KCNH5: variants seen among roughly 807,000 people sequenced by gnomAD.
The protein encoded by KCNH5 is potassium voltage-gated channel subfamily H member 5.
KCNH5 carries 46 observed loss-of-function variants against 96.1 expected under a neutral mutation model. The ratio of observed to expected loss-of-function variants is 0.48; its 90% confidence interval spans 0.38 to 0.61. The LOEUF (loss-of-function observed/expected upper bound fraction) is 0.61, where lower values mean the gene tolerates loss of function less well. KCNH5 is among the 20% of genes least tolerant of loss of function. KCNH5 has a pLI of 0.00. For synonymous variants in KCNH5, 439 were observed against 449.8 expected (o/e 0.98, Z 0.30); for missense variants, 907 against 1,225.8 (o/e 0.74, Z 3.88).
chr14:62,858,342 T>C (rs776833705), intron 7 of KCNH5, among the ~76,000 whole-genome samples: 3 of 152,336 alleles, frequency 2.0e-5, no homozygotes, highest in Non-Finnish European at 2.9e-5. Flanking sequence ...CCTGCCTGGA[T>C]TGGGTTGTTG....
At chr14:62,991,511 T>A (rs1169943794) in intron 4 of KCNH5, among the ~76,000 whole-genome samples, 1 of 151,990 alleles carries the variant, frequency 6.6e-6, no homozygotes, top group Admixed American at 6.6e-5. Context: ...CCTAGATAAA[T>A]CAAAGCCAAA....
intron 7 of KCNH5, among the ~76,000 whole-genome samples, chr14:62,943,350 C>A (rs1330354743): frequency 6.6e-6 from 1 of 152,182 alleles, no homozygotes; most frequent in Non-Finnish European, 1.5e-5. Context: ...TCATTGCATT[C>A]CTTTGTTTTA....
At chr14:62,904,809 T>C (rs781005805) in intron 7 of KCNH5, among the ~76,000 whole-genome samples, 14 of 152,184 alleles carry the variant, frequency 9.2e-5, no homozygotes, top group Non-Finnish European at 1.5e-4. Context: ...ACAAGCCAAA[T>C]GCATATCCTG....
At chr14:62,872,921 C>G (rs1888286286) in intron 7 of KCNH5, among the ~76,000 whole-genome samples, 2 of 152,086 alleles carry the variant, frequency 1.3e-5, no homozygotes, top group Admixed American at 1.3e-4. Flanking sequence ...GAGGCCAAGG[C>G]TGGTGGATCA....
intron 7 of KCNH5, among the ~76,000 whole-genome samples, chr14:62,947,509 G>A (rs1332288367): frequency 6.6e-6 from 1 of 152,016 alleles, no homozygotes; most frequent in Non-Finnish European, 1.5e-5. Context: ...CCTGTACAAG[G>A]GTTCATTAGA....
At position 62,986,946 on chromosome 14, in the gene KCNH5, G is replaced by T. The variant is rs1013689729; in HGVS notation, c.549+126C>A. ...TTTGGGATTTCTATATTTCTACAAG[G>T]GAAACATAAATTATCAGCTAAGTAT... is the stretch of plus-strand genomic sequence containing the variant. On this transcript the variant is annotated intron_variant, in intron 5 of 10. Coordinates refer to ENST00000322893, the MANE Select transcript of KCNH5 (RefSeq NM_139318.5). 7 of 662,046 alleles carry T rather than the reference G, an allele frequency of 1.1e-5. No individual in the cohort carries two copies. In the African/African-American group the frequency reaches 1.3e-4, roughly 12 times the overall value. The allele number at this position is 662,046 out of a possible 1,614,324, so 41.0% of individuals were successfully genotyped here.
chr14:62,982,785 T>C (rs1455484451), intron 5 of KCNH5, among the ~76,000 whole-genome samples: 1 of 152,202 alleles, frequency 6.6e-6, no homozygotes, highest in Non-Finnish European at 1.5e-5. Context: ...AATTGTATGT[T>C]AGAATTGTTA....
rs970351974 is a variant in KCNH5, at chr14:62,951,819, C to T, written c.943-1260G>A. Among the ~76,000 whole-genome samples, 3 of 151,912 alleles carry T rather than the reference C, an allele frequency of 2.0e-5. No homozygotes were observed. In the East Asian group the frequency reaches 5.8e-4, roughly 30 times the overall value. ...CTACTAAAAAAACTCAAAAATTAGC[C>T]GGGCATGGTGGTGGGTGCCTATAAT... On this transcript the variant is annotated intron_variant, in intron 6 of 10. Coordinates refer to ENST00000322893, the MANE Select transcript of KCNH5 (RefSeq NM_139318.5).
At chr14:62,984,261 G>C (rs530694865) in intron 5 of KCNH5, among the ~76,000 whole-genome samples, 1 of 152,096 alleles carries the variant, frequency 6.6e-6, no homozygotes, top group Non-Finnish European at 1.5e-5. Flanking sequence ...CAGGCCCACT[G>C]ACTGATGTGG....
chr14:62,903,780 T>C (rs1888975204), intron 7 of KCNH5, among the ~76,000 whole-genome samples: 1 of 152,152 alleles, frequency 6.6e-6, no homozygotes, highest in Non-Finnish European at 1.5e-5. Flanking sequence ...TAGATATAGA[T>C]GAAAGAATAA....
chr14:62,732,019 G>C (rs1301783019), intron 10 of KCNH5, among the ~76,000 whole-genome samples: 1 of 152,084 alleles, frequency 6.6e-6, no homozygotes, highest in Non-Finnish European at 1.5e-5. Context: ...AAATTTTCTT[G>C]TTCTTGGCCA....
intron 7 of KCNH5, among the ~76,000 whole-genome samples, chr14:62,930,104 G>T (rs1458971564): frequency 6.6e-6 from 1 of 152,130 alleles, no homozygotes; most frequent in Non-Finnish European, 1.5e-5. Flanking sequence ...ACAGGCACAT[G>T]TGTCTTTTTG....
At chr14:62,762,218 G>A (rs1041304141) in intron 10 of KCNH5, among the ~76,000 whole-genome samples, 1 of 152,078 alleles carries the variant, frequency 6.6e-6, no homozygotes, top group African/African-American at 2.4e-5. Context: ...TGGTGGCTTT[G>A]GTCTTTGCTG....
At chr14:62,997,020 T>C (rs1209443148) in intron 4 of KCNH5, among the ~76,000 whole-genome samples, 1 of 152,226 alleles carries the variant, frequency 6.6e-6, no homozygotes, top group East Asian at 1.9e-4. Context: ...TAGACCATTG[T>C]TAGCTGTAGA....
intron 10 of KCNH5, among the ~76,000 whole-genome samples, chr14:62,725,616 G>A (rs571732503): frequency 2.6e-5 from 4 of 152,292 alleles, no homozygotes; most frequent in African/African-American, 9.6e-5. Flanking sequence ...ACAATTTTGA[G>A]AGTCAGCTGA....
chr14:62,906,695 T>C (rs1388043639), intron 7 of KCNH5, among the ~76,000 whole-genome samples: 1 of 152,228 alleles, frequency 6.6e-6, no homozygotes, highest in Non-Finnish European at 1.5e-5. Context: ...AAGGGTTATA[T>C]TGTTTACTCA....
Position 62,707,586 on chromosome 14 carries a change from G to T in KCNH5, c.2889C>A (p.Pro963=), listed in dbSNP as rs148200469. The change falls in exon 11 of 11, where the codon CCC becomes CCA. Residue 963 remains proline, a synonymous_variant. Transcript: ENST00000322893. ...PKSQMPLQVP[P]QIPCQDIFSV... Reference sequence around the variant, plus strand: ...TAAAAATATCCTGACATGGTATCTGGGGGGGTACTTGGAGTGGCATTTGGG... The same window carrying T: ...TAAAAATATCCTGACATGGTATCTGTGGGGGTACTTGGAGTGGCATTTGGG... The T allele has an allele frequency of 9.4e-5, 144 of 1,531,474 alleles. No homozygotes were observed. Among genetic ancestry groups the T allele is most frequent in the Non-Finnish European group, 1.2e-4 (133 of 1,137,692 alleles). The allele number at this position is 1,531,474 out of a possible 1,614,324, so 94.9% of individuals were successfully genotyped here. A position where few individuals can be genotyped will look rare whatever the true frequency, so the allele number is the denominator to read the frequency against.
In KCNH5 at chr14:62,708,296, CCT is replaced by C; in HGVS notation, c.2177_2178del (p.Gln726ArgfsTer2). ...TGGAGTTGGTTCCTCTCAGGGTCAC[CCT>C]GTGTTGAGCCCTGATTCCGCAGCTC... ...QKELRNQGST[Q>X]GDPERNQLQV... On this transcript the variant is annotated frameshift_variant, in exon 11 of 11. Transcript: ENST00000322893. LOFTEE classifies it high-confidence loss of function. 1 of 1,614,170 alleles carries C rather than the reference CCT, an allele frequency of 6.2e-7. No homozygotes were observed. Among genetic ancestry groups the C allele is most frequent in the South Asian group, 1.1e-5 (1 of 91,082 alleles).
chr14:62,962,294 G>T (rs1441711899), intron 6 of KCNH5, among the ~76,000 whole-genome samples: 3 of 152,116 alleles, frequency 2.0e-5, no homozygotes, highest in South Asian at 2.1e-4. Flanking sequence ...CCTGATATTT[G>T]ATTGCATTTG....
Sources: allele counts gnomAD v4.1 joint callset (sites outside exome capture counted in the v4.1 genomes callset), GRCh38; gene constraint gnomAD v4.1.1; transcripts MANE v1.5; gene names NCBI Gene and HGNC (gene_info 2026-07-23, HGNC 2026-07-21).